The following RBMX variants were observed in gnomAD, a reference collection of about 807,000 sequenced individuals.
RBMX encodes RNA-binding motif protein, X chromosome.
In RBMX, 1 loss-of-function variant was observed where a neutral mutation model predicts 29.3. That is an observed-to-expected ratio of 0.03 (90% CI 0.01 to 0.16). The LOEUF is 0.16. RBMX is among the 10% of genes least tolerant of loss of function. The probability of loss-of-function intolerance (pLI) is 1.00; values close to 1 mark genes in which losing one functional copy is unlikely to be tolerated. For synonymous variants in RBMX, 102 were observed against 102.3 expected (o/e 1.00, Z 0.02); for missense variants, 121 against 333.2 (o/e 0.36, Z 4.96).
chrX:136,870,830 C>A (rs2087176234), downstream of RBMX, among the ~76,000 whole-genome samples: 2 of 107,819 alleles, frequency 1.9e-5, no homozygotes. Context: ...AAGAAAGCCG[C>A]ATGCAGTGGC....
downstream of RBMX, among the ~76,000 whole-genome samples, chrX:136,871,255 C>A (rs1255635425): frequency 1.8e-5 from 2 of 108,811 alleles, no homozygotes; most frequent in Non-Finnish European, 3.8e-5. Context: ...ACCATCCTAA[C>A]ACAGTAAAAC....
chrX:136,873,947 C>T lies in RBMX; in HGVS notation c.*195G>A, dbSNP rs1389621318. Reference sequence around the variant, plus strand: ...AACATTTGCTTGTTGAAAAGCAATGCGAAAGTCAAATAAAATTAAACATGT... The same window carrying T: ...AACATTTGCTTGTTGAAAAGCAATGTGAAAGTCAAATAAAATTAAACATGT... On this transcript the variant is annotated 3_prime_UTR_variant, in exon 9 of 9. Coordinates refer to ENST00000320676, the MANE Select transcript of RBMX (RefSeq NM_002139.4). 4.7e-6 allele frequency: 5 copies of T among 1,074,799 alleles called. No individual in the cohort carries two copies. Among genetic ancestry groups the T allele is most frequent in the Non-Finnish European group, 6.0e-6 (5 of 831,964 alleles). The allele number at this position is 1,074,799 out of a possible 1,213,427, so 88.6% of individuals were successfully genotyped here.
chrX:136,876,125 GTT>G (rs778800086), intron 5 of RBMX, among the ~76,000 whole-genome samples: 7 of 77,696 alleles, frequency 9.0e-5, no homozygotes, highest in Non-Finnish European at 1.7e-4. Flanking sequence ...TTTTTTTTTT[GTT>G]TTTTTTTTTT....
At chrX:136,873,427 A>C, downstream of RBMX, 1 of 753,426 alleles carries the variant, frequency 1.3e-6, no homozygotes, top group East Asian at 1.5e-4. Flanking sequence ...AAAAATTTGA[A>C]ACAGTAAGAG....
At chrX:136,875,732 CCATT>C in intron 5 of RBMX, 147 bp from the exon 6 acceptor site, 1 of 852,634 alleles carries the variant, frequency 1.2e-6, no homozygotes, top group Non-Finnish European at 1.6e-6. Context: ...CTACAATTTC[CCATT>C]CATATTTTAA....
At position 136,879,511 on chromosome X, in the gene RBMX, CTT is replaced by C. The variant is rs1177329626; in HGVS notation, c.-26-60_-26-59del. 9.6e-6 allele frequency: 9 copies of C among 936,379 alleles called. No individual in the cohort carries two copies. In the East Asian group the frequency reaches 1.2e-4, roughly 13 times the overall value. The allele number at this position is 936,379 out of a possible 1,213,427, so 77.2% of individuals were successfully genotyped here. On this transcript the variant is annotated intron_variant, in intron 1 of 8. Transcript: ENST00000320676. ...AAAAGTTCCTCAAGTTTATTGGACA[CTT>C]TTACTTTCGCACATTTCTCATATTT... is the stretch of plus-strand genomic sequence containing the variant.
At chrX:136,869,231 T>C (rs1162082427), downstream of RBMX, 1 of 112,461 alleles carries the variant, frequency 8.9e-6, no homozygotes, top group African/African-American at 3.2e-5. Context: ...TACAAAACAT[T>C]CCAAAAAGTG....
intron 5 of RBMX, 27 bp downstream of exon 5, chrX:136,876,476 A>G (rs949617090): frequency 3.5e-6 from 4 of 1,148,362 alleles, no homozygotes; most frequent in Non-Finnish European, 4.6e-6. Flanking sequence ...CGGTAGTAGC[A>G]TAAATCATCA....
At chrX:136,875,033 C>T in intron 8 of RBMX, 53 bp downstream of exon 8, 3 of 1,200,480 alleles carry the variant, frequency 2.5e-6, no homozygotes, top group East Asian at 3.0e-5. Flanking sequence ...AACTGGCTCA[C>T]GAACCTAAAA....
rs1357149568 is a variant in RBMX, at chrX:136,876,419, G to C, written c.541+84C>G. The C allele has an allele frequency of 3.1e-5, 32 of 1,039,142 alleles. 1 individual carries two copies. In the East Asian group the frequency reaches 1.1e-3, roughly 34 times the overall value. The allele number at this position is 1,039,142 out of a possible 1,213,427, so 85.6% of individuals were successfully genotyped here. A position where few individuals can be genotyped will look rare whatever the true frequency, so the allele number is the denominator to read the frequency against. On this transcript the variant is annotated intron_variant, in intron 5 of 8. Transcript: ENST00000320676. The stretch of plus-strand genomic sequence containing the variant: ...TTACGGGCGTGAGCCACCACGCCTG[G>C]CCAATTAAAATTTTAAGCATCATTC...
At chrX:136,870,956 A>C (rs1208976589), downstream of RBMX, among the ~76,000 whole-genome samples, 5 of 107,144 alleles carry the variant, frequency 4.7e-5, no homozygotes, top group Admixed American at 5.1e-4. Flanking sequence ...TACAAATAAT[A>C]ATAATAATAA....
downstream of RBMX, among the ~76,000 whole-genome samples, chrX:136,871,608 G>T (rs757690741): frequency 3.6e-5 from 4 of 110,360 alleles, no homozygotes; most frequent in Non-Finnish European, 5.7e-5. Context: ...GCACTAACTA[G>T]TAACAACGAA....
chrX:136,870,924 G>C (rs1425633386), downstream of RBMX, among the ~76,000 whole-genome samples: 1 of 108,003 alleles, frequency 9.3e-6, no homozygotes, highest in Non-Finnish European at 1.9e-5. Flanking sequence ...CTGGCCAACA[G>C]TGAAACCCTG....
At chrX:136,879,491 T>C (rs1472193815) in intron 1 of RBMX, 38 bp from the exon 2 acceptor site, 1 of 1,063,976 alleles carries the variant, frequency 9.4e-7, no homozygotes, top group Admixed American at 2.7e-5. Context: ...CTGCAAAAAG[T>C]TCCTCAAGTT....
chrX:136,877,842 C>T lies in RBMX; in HGVS notation c.388+73G>A. The T allele has an allele frequency of 8.8e-6, 9 of 1,026,546 alleles. No individual in the cohort carries two copies. The South Asian group carries it at 2.7e-4, about 31-fold the overall frequency. The allele number at this position is 1,026,546 out of a possible 1,213,427, so 84.6% of individuals were successfully genotyped here. ...TGGCACCTTTCCTCAAGGACTTAACCAAAGCATCCACTTGGTGTGAGCTTG... is the reference window on the plus strand; with the variant it reads ...TGGCACCTTTCCTCAAGGACTTAACTAAAGCATCCACTTGGTGTGAGCTTG... On this transcript the variant is annotated intron_variant, in intron 4 of 8. Transcript: ENST00000320676.
chrX:136,877,114 G>A (rs1220677823), intron 4 of RBMX, among the ~76,000 whole-genome samples: 1 of 109,113 alleles, frequency 9.2e-6, no homozygotes, highest in East Asian at 3.0e-4. Flanking sequence ...CAAGGCGGGC[G>A]GATCACCTGA....
At chrX:136,871,775 T>C (rs1030555805), downstream of RBMX, among the ~76,000 whole-genome samples, 6 of 106,172 alleles carry the variant, frequency 5.7e-5, no homozygotes, top group African/African-American at 2.0e-4. Context: ...GCCTCCCCAG[T>C]AGCTGGGATT....
chrX:136,874,908 AACTTAG>A lies in RBMX; in HGVS notation c.865+172_865+177del, dbSNP rs756754329. ...AAAGCAAGCAAACAGCCTCAAAAGA[AACTTAG>A]AAAAACAAAAAAAGCCCCTCACAAA... On this transcript the variant is annotated intron_variant, in intron 8 of 8. Coordinates refer to ENST00000320676, the MANE Select transcript of RBMX (RefSeq NM_002139.4). 5.7e-3 allele frequency: 5,195 copies of A among 908,084 alleles called. 21 individuals are homozygous for A. The highest frequency in any genetic ancestry group is 7.0e-3 in the Non-Finnish European group (4,901 of 695,330). 74.8% of individuals were successfully genotyped at this position (908,084 alleles called of 1,213,427 possible).
downstream of RBMX, among the ~76,000 whole-genome samples, chrX:136,870,949 A>T (rs750136967): frequency 9.3e-6 from 1 of 107,115 alleles, no homozygotes; most frequent in Non-Finnish European, 1.9e-5. Flanking sequence ...CTAAAAATAC[A>T]AATAATAATA....
Sources: allele counts gnomAD v4.1 joint callset (sites outside exome capture counted in the v4.1 genomes callset), GRCh38; gene constraint gnomAD v4.1.1; transcripts MANE v1.5; gene names NCBI Gene and HGNC (gene_info 2026-07-23, HGNC 2026-07-21).